The following MAPK10 variants were observed in gnomAD, a reference collection of about 807,000 sequenced individuals.
MAPK10 encodes JNK3 alpha protein kinase.
MAPK10 carries 25 observed loss-of-function variants against 59.3 expected under a neutral mutation model. The observed-to-expected ratio is 0.42, with a 90% CI of 0.31 to 0.59. The LOEUF (loss-of-function observed/expected upper bound fraction) is 0.59, where lower values mean the gene tolerates loss of function less well. Among genes scored for constraint, MAPK10 ranks in the 20% least tolerant of loss-of-function variants. The pLI is 0.15. For synonymous variants in MAPK10, 190 were observed against 200.5 expected (o/e 0.95, Z 0.44); for missense variants, 351 against 568.9 (o/e 0.62, Z 3.90).
chr4:86,212,678 T>C (rs745395304), intron 2 of MAPK10, among the ~76,000 whole-genome samples: 2 of 151,984 alleles, frequency 1.3e-5, no homozygotes, highest in African/African-American at 4.8e-5. Context: ...AAAGAAGATA[T>C]AACAATTATA....
intron 1 of MAPK10, among the ~76,000 whole-genome samples, chr4:86,387,733 A>G (rs1481816144): frequency 6.6e-6 from 1 of 151,984 alleles, no homozygotes; most frequent in East Asian, 1.9e-4. Flanking sequence ...ACCTGTCAAT[A>G]TGGAAAGAGT....
intron 2 of MAPK10, among the ~76,000 whole-genome samples, chr4:86,210,990 T>A (rs2085633243): frequency 6.7e-6 from 1 of 150,082 alleles, no homozygotes; most frequent in African/African-American, 2.5e-5. Flanking sequence ...AGCAGCAGAG[T>A]AAAGAATCAA....
In MAPK10 at chr4:86,381,894, A is replaced by G. The variant is rs1011678270; in HGVS notation, c.-121-27250T>C. On this transcript the variant is annotated intron_variant, in intron 1 of 13. Transcript: ENST00000361569. Reference sequence around the variant, plus strand: ...CGTTTTGTGAGGAGGGGGCACATTCAGGCAAGAGATGCAGTCAACTGAGGC... The same window carrying G: ...CGTTTTGTGAGGAGGGGGCACATTCGGGCAAGAGATGCAGTCAACTGAGGC... Among the ~76,000 whole-genome samples the G allele has an allele frequency of 1.8e-4, 28 of 152,160 alleles. 1 individual carries two copies. Among genetic ancestry groups the G allele is most frequent in the Non-Finnish European group, 8.8e-5 (6 of 68,030 alleles).
intron 1 of MAPK10, among the ~76,000 whole-genome samples, chr4:86,419,947 A>G (rs1746303509): frequency 6.6e-6 from 1 of 152,222 alleles, no homozygotes. Flanking sequence ...ATCTCCTAAC[A>G]TTTTGTTCTC....
chr4:86,550,630 G>C (rs1011261396), intron 1 of MAPK10, among the ~76,000 whole-genome samples: 1 of 152,174 alleles, frequency 6.6e-6, no homozygotes, highest in Non-Finnish European at 1.5e-5. Context: ...TTGAACCTGG[G>C]AGGCAGAGGT....
rs572846093 is a variant in MAPK10, at chr4:86,037,317, G to A, written c.1111-5886C>T. On this transcript the variant is annotated intron_variant, in intron 11 of 13. Transcript: ENST00000641462. The stretch of plus-strand genomic sequence containing the variant: ...GGGCAGATCACGAGGTCAGGAGATC[G>A]AGACCATCCTGGCTAACACAGTGAA... Among the ~76,000 whole-genome samples, 4 of 152,182 alleles carry A rather than the reference G, an allele frequency of 2.6e-5. No individual in the cohort carries two copies. The South Asian group carries it at 8.3e-4, about 32-fold the overall frequency.
intron 2 of MAPK10, among the ~76,000 whole-genome samples, chr4:86,295,898 G>A (rs528593763): frequency 9.9e-5 from 15 of 151,234 alleles, no homozygotes; most frequent in South Asian, 4.2e-4. Flanking sequence ...AGCAGAGGCC[G>A]GGCACAGTGG....
At chr4:86,172,068 G>A (rs1271713073) in intron 3 of MAPK10, among the ~76,000 whole-genome samples, 1 of 137,674 alleles carries the variant, frequency 7.3e-6, no homozygotes, top group Non-Finnish European at 1.5e-5. Context: ...AAAAAGTCAG[G>A]AAACAACAGG....
At chr4:86,283,320 CAGAAGATTA>C in intron 2 of MAPK10, among the ~76,000 whole-genome samples, 1 of 152,186 alleles carries the variant, frequency 6.6e-6, no homozygotes, top group African/African-American at 2.4e-5. Flanking sequence ...CATTTGACAC[CAGAAGATTA>C]AATAAAACAA....
chr4:86,169,767 T>G (rs981186663), intron 3 of MAPK10, among the ~76,000 whole-genome samples: 2 of 151,824 alleles, frequency 1.3e-5, no homozygotes, highest in Non-Finnish European at 2.9e-5. Flanking sequence ...AATTGTCAGA[T>G]TCACCAAAGT....
chr4:86,472,310 T>G (rs1343747063), intron 1 of MAPK10, among the ~76,000 whole-genome samples: 1 of 152,228 alleles, frequency 6.6e-6, no homozygotes, highest in Non-Finnish European at 1.5e-5. Flanking sequence ...TATTTATGGA[T>G]CTTGTTAAGA....
At chr4:86,172,166 C>A (rs1301453297) in intron 3 of MAPK10, among the ~76,000 whole-genome samples, 1 of 138,840 alleles carries the variant, frequency 7.2e-6, no homozygotes, top group Non-Finnish European at 1.5e-5. Context: ...GTCAGTGTGG[C>A]GATTCCTCAG....
intron 2 of MAPK10, among the ~76,000 whole-genome samples, chr4:86,318,790 G>C (rs2095838107): frequency 6.6e-6 from 1 of 152,154 alleles, no homozygotes; most frequent in East Asian, 1.9e-4. Context: ...ATTTATATTA[G>C]GCTGGCAGTA....
intron 1 of MAPK10, among the ~76,000 whole-genome samples, chr4:86,416,164 G>A (rs894745473): frequency 1.3e-5 from 2 of 152,154 alleles, no homozygotes; most frequent in Admixed American, 6.5e-5. Flanking sequence ...TAGGACTGAT[G>A]TCCTTATAAT....
intron 2 of MAPK10, among the ~76,000 whole-genome samples, chr4:86,270,127 A>G (rs1283234073): frequency 6.6e-6 from 1 of 152,126 alleles, no homozygotes; most frequent in Non-Finnish European, 1.5e-5. Context: ...ACACAATTTA[A>G]CTTATTCCAG....
intron 1 of MAPK10, among the ~76,000 whole-genome samples, chr4:86,367,702 T>C (rs1313333885): frequency 6.6e-6 from 1 of 152,030 alleles, no homozygotes; most frequent in Non-Finnish European, 1.5e-5. Context: ...GTGCAGCTAG[T>C]CCTGTGTCAG....
intron 2 of MAPK10, among the ~76,000 whole-genome samples, chr4:86,334,013 A>G (rs1259103489): frequency 6.6e-6 from 1 of 152,108 alleles, no homozygotes; most frequent in Non-Finnish European, 1.5e-5. Flanking sequence ...TTTAGTGATG[A>G]GGACTCACCA....
At chr4:86,573,769 TTA>T (rs1469357178) in intron 1 of MAPK10, among the ~76,000 whole-genome samples, 1 of 152,206 alleles carries the variant, frequency 6.6e-6, no homozygotes, top group Non-Finnish European at 1.5e-5. Flanking sequence ...CACCAATGTT[TTA>T]TAGTTTTCAA....
chr4:86,525,633 G>T (rs1757425388), intron 1 of MAPK10, among the ~76,000 whole-genome samples: 1 of 152,148 alleles, frequency 6.6e-6, no homozygotes, highest in East Asian at 1.9e-4. Context: ...GAGTATAAAG[G>T]TTGTACAATA....
Sources: gnomAD v4.1 joint callset for allele counts (sites outside exome capture counted in the v4.1 genomes callset) on GRCh38, gnomAD v4.1.1 for gene constraint, MANE v1.5 for transcripts, NCBI Gene and HGNC (gene_info 2026-07-23, HGNC 2026-07-21) for gene names.